The following PRPSAP2 variants were observed in gnomAD, a reference collection of about 807,000 sequenced individuals.
PRPSAP2 encodes the protein phosphoribosyl pyrophosphate synthase-associated protein 2.
A neutral mutation model predicts 40.6 loss-of-function variants in PRPSAP2; 24 were observed. The ratio of observed to expected loss-of-function variants is 0.59; its 90% confidence interval spans 0.43 to 0.83. The LOEUF is 0.83. Ranked by LOEUF, PRPSAP2 falls within the 40% of genes least tolerant of loss-of-function variation. The pLI is 0.00. For synonymous variants in PRPSAP2, 149 were observed against 164.7 expected, an observed-to-expected ratio of 0.90 and a Z score of 0.73; for missense variants, 292 against 465.6, an observed-to-expected ratio of 0.63 and a Z score of 3.43.
At chr17:18,874,731 C>T (rs1451851842) in intron 5 of PRPSAP2, among the ~76,000 whole-genome samples, 2 of 152,228 alleles carry the variant, frequency 1.3e-5, no homozygotes, top group Admixed American at 1.3e-4. Flanking sequence ...GTCCTCTTTC[C>T]CCTTTCCCAC....
intron 8 of PRPSAP2, chr17:18,904,143 C>T (rs1388859136): frequency 6.6e-6 from 1 of 152,178 alleles, no homozygotes; most frequent in Non-Finnish European, 1.5e-5. Context: ...GCCTCAGTTT[C>T]CTGGGGATAA....
At chr17:18,899,191 A>G (rs2040109193) in intron 8 of PRPSAP2, among the ~76,000 whole-genome samples, 1 of 152,192 alleles carries the variant, frequency 6.6e-6, no homozygotes, top group Admixed American at 6.6e-5. Context: ...GGTGTGAGCC[A>G]CCGTGCCCAG....
intron 8 of PRPSAP2, among the ~76,000 whole-genome samples, chr17:18,905,512 A>G (rs1389355063): frequency 6.6e-6 from 1 of 152,144 alleles, no homozygotes; most frequent in African/African-American, 2.4e-5. Flanking sequence ...AGGAACTAAT[A>G]ATCTATGTGA....
chr17:18,865,828 G>T lies in PRPSAP2; in HGVS notation c.-6G>T, dbSNP rs747967574. ...CTCTGAAAATTGGAAAACCAAGAAGGTTTTGATGTTTTGTGTGACGCCACC... is the reference window on the plus strand; with the variant it reads ...CTCTGAAAATTGGAAAACCAAGAAGTTTTTGATGTTTTGTGTGACGCCACC... On this transcript the variant is annotated 5_prime_UTR_variant, in exon 3 of 12. Coordinates refer to ENST00000268835, the MANE Select transcript of PRPSAP2 (RefSeq NM_002767.4). 8.1e-6 allele frequency: 12 copies of T among 1,484,098 alleles called. No homozygotes were observed. In the East Asian group the frequency reaches 2.9e-4, roughly 36 times the overall value. 91.9% of individuals were successfully genotyped at this position (1,484,098 alleles called of 1,614,324 possible).
rs927260307 is a variant in PRPSAP2 at position 18,867,283 on chromosome 17, C to T, written c.121C>T (p.Arg41Trp). 8 of 1,613,828 alleles carry T rather than the reference C, an allele frequency of 5.0e-6. No homozygotes were observed. Among genetic ancestry groups the T allele is most frequent in the Non-Finnish European group, 6.8e-6 (8 of 1,179,886 alleles). ...CMELSKKIAE[R>W]LGVEMGKVQV... is the part of the protein sequence containing the mutation. Reference sequence around the variant, plus strand: ...TTTTTCCCCCTTTCTCTTCTCTAGGCGGCTAGGGGTGGAGATGGGCAAAGT... The same window carrying T: ...TTTTTCCCCCTTTCTCTTCTCTAGGTGGCTAGGGGTGGAGATGGGCAAAGT... The change falls in exon 4 of 12, where the codon CGG becomes TGG. Residue 41 changes from arginine (R) to tryptophan (W), a missense_variant and splice_region_variant. Coordinates refer to ENST00000268835, the MANE Select transcript of PRPSAP2 (RefSeq NM_002767.4).
chr17:18,927,739 T>C (rs1597784483), intron 10 of PRPSAP2, among the ~76,000 whole-genome samples: 1 of 152,198 alleles, frequency 6.6e-6, no homozygotes, highest in African/African-American at 2.4e-5. Flanking sequence ...AAAGTGGCTG[T>C]ACCATTTTAC....
intron 5 of PRPSAP2, among the ~76,000 whole-genome samples, chr17:18,873,496 G>A (rs2038054673): frequency 6.6e-6 from 1 of 151,962 alleles, no homozygotes; most frequent in African/African-American, 2.4e-5. Context: ...GTGAGCCACT[G>A]CGCCCAGCCT....
chr17:18,889,168 G>T (rs1212243060), intron 7 of PRPSAP2, among the ~76,000 whole-genome samples: 2 of 152,210 alleles, frequency 1.3e-5, no homozygotes, highest in Non-Finnish European at 2.9e-5. Flanking sequence ...GATTATGCCG[G>T]AGGCAACTGT....
At chr17:18,930,306 A>G (rs2042195032) in intron 11 of PRPSAP2, among the ~76,000 whole-genome samples, 1 of 152,194 alleles carries the variant, frequency 6.6e-6, no homozygotes, top group Admixed American at 6.5e-5. Flanking sequence ...CCCAGGAGGC[A>G]GAGCTTGCAG....
chr17:18,881,190 T>G (rs113312556), intron 6 of PRPSAP2, among the ~76,000 whole-genome samples: 3 of 147,034 alleles, frequency 2.0e-5, no homozygotes, highest in Non-Finnish European at 4.4e-5. Context: ...AAAAAAAAAT[T>G]TTTTTTGAAA....
At chr17:18,888,853 C>T (rs1281372770) in intron 7 of PRPSAP2, among the ~76,000 whole-genome samples, 1 of 152,082 alleles carries the variant, frequency 6.6e-6, no homozygotes, top group East Asian at 1.9e-4. Context: ...CTCACCTCAA[C>T]TTGTTCTTTC....
At chr17:18,859,863 G>A (rs539458955) in intron 1 of PRPSAP2, 4 of 151,460 alleles carry the variant, frequency 2.6e-5, no homozygotes, top group African/African-American at 9.7e-5. Context: ...TCCTGCCTCA[G>A]CCTCCTGAGT....
At position 18,865,802 on chromosome 17, in the gene PRPSAP2, G is replaced by T; in HGVS notation, c.-32G>T. The T allele has an allele frequency of 1.4e-6, 2 of 1,440,312 alleles. No individual in the cohort carries two copies. Among genetic ancestry groups the T allele is most frequent in the South Asian group, 1.6e-5 (1 of 61,616 alleles). The allele number at this position is 1,440,312 out of a possible 1,614,324, so 89.2% of individuals were successfully genotyped here. On this transcript the variant is annotated splice_region_variant and 5_prime_UTR_variant, in exon 3 of 12. Coordinates refer to ENST00000268835, the MANE Select transcript of PRPSAP2 (RefSeq NM_002767.4). ...TTTAATAAGTATTATATCCTTCTAGGCTCTGAAAATTGGAAAACCAAGAAG... is the reference window on the plus strand; with the variant it reads ...TTTAATAAGTATTATATCCTTCTAGTCTCTGAAAATTGGAAAACCAAGAAG...
At chr17:18,879,734 G>A (rs79897963) in intron 6 of PRPSAP2, among the ~76,000 whole-genome samples, 79,694 of 151,180 alleles carry the variant, frequency 0.53, 21,191 homozygotes, top group Middle Eastern at 0.59. Context: ...GATTACAGGC[G>A]TGAGCCACCA....
In PRPSAP2 at chr17:18,861,301, C is replaced by G. The variant is rs539623699; in HGVS notation, c.-129+3040C>G. On this transcript the variant is annotated intron_variant, in intron 1 of 11. Coordinates refer to ENST00000268835, the MANE Select transcript of PRPSAP2 (RefSeq NM_002767.4). ...CCAACATGGAGAAACCCTGTCTCTA[C>G]TAAAAATACAAAATTAGACGGGTGT... 7 of 152,056 alleles carry G rather than the reference C, an allele frequency of 4.6e-5. No homozygotes were observed. The East Asian group carries it at 1.4e-3, about 29-fold the overall frequency. 9.4% of individuals were successfully genotyped at this position (152,056 alleles called of 1,614,324 possible). A position where few individuals can be genotyped will look rare whatever the true frequency, so the allele number is the denominator to read the frequency against.
intron 1 of PRPSAP2, among the ~76,000 whole-genome samples, chr17:18,863,466 T>G (rs1230276396): frequency 6.6e-6 from 1 of 152,194 alleles, no homozygotes; most frequent in Non-Finnish European, 1.5e-5. Context: ...CCTTCCAGAA[T>G]GTTGATGATT....
intron 7 of PRPSAP2, among the ~76,000 whole-genome samples, chr17:18,884,909 C>G (rs190019372): frequency 1.3e-5 from 2 of 152,200 alleles, no homozygotes; most frequent in Non-Finnish European, 2.9e-5. Flanking sequence ...GTGCCAATGT[C>G]TCAAGGCACA....
chr17:18,870,049 A>G (rs554336662), intron 4 of PRPSAP2, among the ~76,000 whole-genome samples: 52 of 152,004 alleles, frequency 3.4e-4, no homozygotes, highest in African/African-American at 1.2e-3. Context: ...GGCTTTCACC[A>G]TGTTGGCCAG....
chr17:18,894,572 T>G (rs1465062796), intron 8 of PRPSAP2, among the ~76,000 whole-genome samples: 1 of 148,548 alleles, frequency 6.7e-6, no homozygotes, highest in Non-Finnish European at 1.5e-5. Context: ...CTCCGCCTCC[T>G]GGGTTTAAGC....
Sources: allele counts gnomAD v4.1 joint callset (sites outside exome capture counted in the v4.1 genomes callset), GRCh38; gene constraint gnomAD v4.1.1; transcripts MANE v1.5; gene names NCBI Gene and HGNC (gene_info 2026-07-23, HGNC 2026-07-21).